The following ATXN7L1 variants were observed in gnomAD, a reference collection of about 807,000 sequenced individuals.
ATXN7L1 encodes ataxin 7 like 1.
ATXN7L1 carries 15 observed loss-of-function variants against 70.8 expected under a neutral mutation model. That is an observed-to-expected ratio of 0.21 (90% CI 0.14 to 0.33). ATXN7L1 has a LOEUF of 0.33. Ranked by LOEUF, ATXN7L1 falls within the 10% of genes least tolerant of loss-of-function variation. The probability of loss-of-function intolerance (pLI) is 1.00; values close to 1 mark genes in which losing one functional copy is unlikely to be tolerated. For missense variants in ATXN7L1, 975 were observed against 1,097.1 expected (o/e 0.89, Z 1.57); for synonymous variants, 440 against 445.1 (o/e 0.99, Z 0.14).
intron 2 of ATXN7L1, among the ~76,000 whole-genome samples, chr7:105,858,732 T>C (rs904638479): frequency 6.6e-6 from 1 of 152,150 alleles, no homozygotes; most frequent in Non-Finnish European, 1.5e-5. Flanking sequence ...ACCAAAATGT[T>C]GAGTCTGAAT....
chr7:105,713,393 T>C (rs1317742776), intron 3 of ATXN7L1, among the ~76,000 whole-genome samples: 41 of 152,198 alleles, frequency 2.7e-4, no homozygotes, highest in Admixed American at 2.7e-3. Flanking sequence ...CTGACGGGAA[T>C]GGCTGTGTTA....
At chr7:105,703,305 C>CA (rs11431783) in intron 3 of ATXN7L1, among the ~76,000 whole-genome samples, 64,846 of 126,424 alleles carry the variant, frequency 0.51, 15,823 homozygotes, top group East Asian at 0.63. Context: ...AACTCCGTCT[C>CA]AAAAAAAAAA....
chr7:105,689,124 C>T (rs1171241706), intron 3 of ATXN7L1, among the ~76,000 whole-genome samples: 1 of 152,180 alleles, frequency 6.6e-6, no homozygotes, highest in African/African-American at 2.4e-5. Context: ...GTGCCTTGGT[C>T]TTCCCGGAGT....
At chr7:105,706,040 C>T (rs923262738) in intron 3 of ATXN7L1, among the ~76,000 whole-genome samples, 5 of 152,164 alleles carry the variant, frequency 3.3e-5, no homozygotes, top group African/African-American at 2.4e-5. Flanking sequence ...AAATAATTAG[C>T]CAATCCACAG....
At chr7:105,731,522 C>T (rs552721870) in intron 3 of ATXN7L1, among the ~76,000 whole-genome samples, 10 of 150,858 alleles carry the variant, frequency 6.6e-5, no homozygotes, top group East Asian at 4.0e-4. Flanking sequence ...GCAACCTCCG[C>T]GTCCTGGGTT....
intron 3 of ATXN7L1, among the ~76,000 whole-genome samples, chr7:105,746,985 T>C (rs918759768): frequency 6.6e-6 from 1 of 152,240 alleles, no homozygotes; most frequent in Non-Finnish European, 1.5e-5. Flanking sequence ...ACATGCGCTA[T>C]CTGTCCAATG....
At chr7:105,734,159 A>AAC (rs1312451264) in intron 3 of ATXN7L1, among the ~76,000 whole-genome samples, 2 of 151,984 alleles carry the variant, frequency 1.3e-5, no homozygotes, top group Non-Finnish European at 2.9e-5. Context: ...CTCATCTGTA[A>AAC]ACATGGGTTT....
intron 3 of ATXN7L1, among the ~76,000 whole-genome samples, chr7:105,787,145 G>C (rs1473718194): frequency 6.6e-6 from 1 of 152,156 alleles, no homozygotes; most frequent in Non-Finnish European, 1.5e-5. Context: ...CAGAGCACTA[G>C]GCAAGAAGGT....
At chr7:105,838,748 G>C (rs183260827) in intron 2 of ATXN7L1, among the ~76,000 whole-genome samples, 134 of 152,234 alleles carry the variant, frequency 8.8e-4, no homozygotes, top group African/African-American at 3.1e-3. Flanking sequence ...CAAGGGCCCA[G>C]AGCAACGTGG....
chr7:105,846,398 A>T (rs1040926015), intron 2 of ATXN7L1, among the ~76,000 whole-genome samples: 3 of 152,202 alleles, frequency 2.0e-5, no homozygotes, highest in African/African-American at 7.2e-5. Context: ...GGAAAATGCA[A>T]ATCAAAACCA....
intron 2 of ATXN7L1, chr7:105,875,279 A>T (rs1156243839): frequency 6.4e-6 from 1 of 155,452 alleles, no homozygotes; most frequent in Admixed American, 6.3e-5. Flanking sequence ...GCACATACAG[A>T]TGCTCCTAAC....
Position 105,765,406 on chromosome 7 carries a change from T to A in ATXN7L1, c.355+23198A>T, listed in dbSNP as rs74370343. ...TATCTGTATTCATTAACTCATTTGA[T>A]CCTTCCCTGATCCTACAAAGTAGAT... On this transcript the variant is annotated intron_variant, in intron 3 of 11. Coordinates refer to ENST00000419735, the MANE Select transcript of ATXN7L1 (RefSeq NM_020725.2). Among the ~76,000 whole-genome samples the A allele has an allele frequency of 5.3e-4, 80 of 152,106 alleles. No homozygotes were observed. In the East Asian group the frequency reaches 0.015, roughly 28 times the overall value.
At chr7:105,829,147 C>A (rs766618634) in intron 2 of ATXN7L1, among the ~76,000 whole-genome samples, 1 of 152,134 alleles carries the variant, frequency 6.6e-6, no homozygotes, top group Non-Finnish European at 1.5e-5. Flanking sequence ...CTGGGCCAGG[C>A]GCTGTGGCTC....
chr7:105,643,071 G>A lies in ATXN7L1; in HGVS notation c.629C>T (p.Ala210Val). ...SLEKIPNLVKADGANVKMNST... is the reference protein window; with the variant it reads ...SLEKIPNLVKVDGANVKMNST... ...GTTCATTTTGACATTGGCACCATCT[G>A]CCTTCACTAGGTTAGGAATTTTCTC... The change falls in exon 5 of 12, where the codon GCA (alanine) becomes GTA (valine). Residue 210 changes from alanine (A) to valine (V), a missense_variant. Physicochemically the swap from Ala to Val is moderately conservative, Grantham distance 64. Transcript: ENST00000419735. 1 of 1,545,754 alleles carries A rather than the reference G, an allele frequency of 6.5e-7. No individual in the cohort carries two copies. Among genetic ancestry groups the A allele is most frequent in the African/African-American group, 1.4e-5 (1 of 73,004 alleles).
chr7:105,678,079 G>A (rs922604730), intron 3 of ATXN7L1: 136 of 807,044 alleles, frequency 1.7e-4, no homozygotes, highest in Non-Finnish European at 1.9e-4. Context: ...CAACATATGC[G>A]TACAGACACA....
chr7:105,613,380 G>A, intron 10 of ATXN7L1: 2 of 614,578 alleles, frequency 3.3e-6, no homozygotes, highest in East Asian at 1.4e-4. Flanking sequence ...GGGCACAGGC[G>A]CTCCCACTCC....
intron 4 of ATXN7L1, among the ~76,000 whole-genome samples, chr7:105,659,113 G>A (rs1464204296): frequency 1.3e-5 from 2 of 152,066 alleles, no homozygotes; most frequent in Non-Finnish European, 2.9e-5. Context: ...CTCCAATCTG[G>A]GTGACACAGC....
chr7:105,728,047 C>T (rs1183179641), intron 3 of ATXN7L1, among the ~76,000 whole-genome samples: 1 of 151,770 alleles, frequency 6.6e-6, no homozygotes, highest in Non-Finnish European at 1.5e-5. Context: ...GACTGTACTA[C>T]TTTGCTTCTC....
intron 3 of ATXN7L1, among the ~76,000 whole-genome samples, chr7:105,714,073 C>T (rs1213044213): frequency 1.3e-5 from 2 of 152,248 alleles, no homozygotes; most frequent in African/African-American, 4.8e-5. Flanking sequence ...CATAGCTTAG[C>T]TCATCTAATC....
Sources: gnomAD v4.1 joint callset for allele counts (sites outside exome capture counted in the v4.1 genomes callset) on GRCh38, gnomAD v4.1.1 for gene constraint, MANE v1.5 for transcripts, NCBI Gene and HGNC (gene_info 2026-07-23, HGNC 2026-07-21) for gene names.